Variants in PIGL observed in about 807,000 individuals in gnomAD.
The protein encoded by PIGL is N-acetylglucosaminyl-phosphatidylinositol de-N-acetylase.
PIGL carries 22 observed loss-of-function variants against 31.1 expected under a neutral mutation model. The ratio of observed to expected loss-of-function variants is 0.71; its 90% confidence interval spans 0.51 to 1.01. The LOEUF is 1.01. Among genes scored for constraint, PIGL ranks in the 50% least tolerant of loss-of-function variants. The pLI, the probability that PIGL is intolerant of heterozygous loss-of-function variation, is 0.00. For synonymous variants in PIGL, 131 were observed against 117.4 expected (o/e 1.12, Z -0.75); for missense variants, 302 against 315.9 (o/e 0.96, Z 0.33).
At chr17:16,225,142 G>A (rs577643920) in intron 1 of PIGL, among the ~76,000 whole-genome samples, 60 of 152,226 alleles carry the variant, frequency 3.9e-4, no homozygotes, top group African/African-American at 1.4e-3. Flanking sequence ...AGATGATTAT[G>A]TCATTGTGTC....
intron 2 of PIGL, chr17:16,282,005 C>T (rs748025488): frequency 3.9e-6 from 2 of 509,922 alleles, no homozygotes; most frequent in Admixed American, 2.0e-5. Context: ...TCCATGGGGG[C>T]ACTGCTAAGA....
chr17:16,314,261 G>C (rs2093066764), intron 4 of PIGL, among the ~76,000 whole-genome samples: 1 of 152,154 alleles, frequency 6.6e-6, no homozygotes, highest in Non-Finnish European at 1.5e-5. Flanking sequence ...TCAGTGGTGT[G>C]GCAGGCCTGT....
chr17:16,241,473 A>G (rs1167390552), intron 2 of PIGL, among the ~76,000 whole-genome samples: 1 of 151,974 alleles, frequency 6.6e-6, no homozygotes, highest in African/African-American at 2.4e-5. Flanking sequence ...AGGCTGAGGC[A>G]GGAGAATCAC....
At chr17:16,237,786 T>G (rs1600758743) in intron 2 of PIGL, among the ~76,000 whole-genome samples, 1 of 120,864 alleles carries the variant, frequency 8.3e-6, no homozygotes. Context: ...GATAACAGAG[T>G]GAGATCCTGT....
chr17:16,267,842 A>G (rs1349455442), intron 2 of PIGL, among the ~76,000 whole-genome samples: 1 of 152,164 alleles, frequency 6.6e-6, no homozygotes, highest in Non-Finnish European at 1.5e-5. Flanking sequence ...AACTTGGAGC[A>G]CCAGAATGTT....
intron 2 of PIGL, among the ~76,000 whole-genome samples, chr17:16,244,078 G>C (rs947509207): frequency 2.6e-5 from 4 of 152,178 alleles, no homozygotes; most frequent in African/African-American, 9.6e-5. Context: ...TATTGATCTG[G>C]GTGATCCATC....
intron 6 of PIGL, among the ~76,000 whole-genome samples, chr17:16,319,842 G>A (rs1421516769): frequency 6.6e-6 from 1 of 151,974 alleles, no homozygotes; most frequent in Non-Finnish European, 1.5e-5. Context: ...GGTCATCCTA[G>A]GGAAAACTCT....
chr17:16,266,446 G>T (rs1252441262), intron 2 of PIGL, among the ~76,000 whole-genome samples: 1 of 151,224 alleles, frequency 6.6e-6, no homozygotes, highest in Non-Finnish European at 1.5e-5. Flanking sequence ...ATTGTGCCAG[G>T]TACTCTTACT....
Position 16,310,858 on chromosome 17 carries a change from G to C in PIGL, c.427-2689G>C, listed in dbSNP as rs1278642366. On this transcript the variant is annotated intron_variant, in intron 3 of 6. Transcript: ENST00000225609. ...ACGCCTTCTCACATAGAGGATGCTT[G>C]TAAAGAGCGTGGACTGTGGAGTCAG... 2.6e-5 allele frequency among the ~76,000 whole-genome samples: 4 copies of C among 152,192 alleles called. No individual in the cohort carries two copies. In the South Asian group the frequency reaches 6.2e-4, roughly 24 times the overall value.
chr17:16,314,792 T>C (rs1192072766), intron 4 of PIGL, among the ~76,000 whole-genome samples: 2 of 152,076 alleles, frequency 1.3e-5, no homozygotes, highest in Non-Finnish European at 2.9e-5. Context: ...ATTTTTTTGA[T>C]GATATATGGA....
chr17:16,317,048 C>A, intron 5 of PIGL: 1 of 1,110,648 alleles, frequency 9.0e-7, no homozygotes. Flanking sequence ...TTGTAAATGA[C>A]TGCTGGGTGC....
At chr17:16,242,639 G>A in intron 2 of PIGL, among the ~76,000 whole-genome samples, 1 of 109,980 alleles carries the variant, frequency 9.1e-6, no homozygotes, top group Non-Finnish European at 1.9e-5. Flanking sequence ...TCTTATTTCT[G>A]ATTCCTTTTT....
At chr17:16,264,795 C>T (rs1254669711) in intron 2 of PIGL, among the ~76,000 whole-genome samples, 3 of 150,802 alleles carry the variant, frequency 2.0e-5, no homozygotes, top group Non-Finnish European at 4.4e-5. Flanking sequence ...TACAGGTGCC[C>T]ACCACCACGT....
chr17:16,269,543 C>T (rs1234658748), intron 2 of PIGL, among the ~76,000 whole-genome samples: 3 of 151,076 alleles, frequency 2.0e-5, no homozygotes, highest in African/African-American at 7.3e-5. Context: ...CCCAGCTACT[C>T]GGGAGGCTGA....
chr17:16,299,293 A>G (rs1211881915), intron 2 of PIGL, among the ~76,000 whole-genome samples: 1 of 151,784 alleles, frequency 6.6e-6, no homozygotes, highest in African/African-American at 2.4e-5. Context: ...CATCTCTACT[A>G]AAAATACAAA....
chr17:16,223,705 C>A (rs1357259433), intron 1 of PIGL, among the ~76,000 whole-genome samples: 2 of 151,260 alleles, frequency 1.3e-5, no homozygotes, highest in Non-Finnish European at 2.9e-5. Flanking sequence ...CATAGTGAGA[C>A]CCCATCTATT....
intron 2 of PIGL, among the ~76,000 whole-genome samples, chr17:16,277,867 C>T (rs892087264): frequency 1.7e-4 from 26 of 152,118 alleles, no homozygotes; most frequent in Non-Finnish European, 1.5e-5. Flanking sequence ...TAACAACATA[C>T]ACTAAGTCAT....
At chr17:16,288,202 T>C (rs2092945894) in intron 2 of PIGL, among the ~76,000 whole-genome samples, 1 of 152,108 alleles carries the variant, frequency 6.6e-6, no homozygotes, top group African/African-American at 2.4e-5. Context: ...CCTTCCTTCC[T>C]TTCTTTCTCT....
intron 2 of PIGL, among the ~76,000 whole-genome samples, chr17:16,262,907 G>A (rs1359040886): frequency 6.6e-6 from 1 of 152,134 alleles, no homozygotes; most frequent in Non-Finnish European, 1.5e-5. Context: ...AATACTGATT[G>A]ATGCTGTAGC....
Sources: allele counts gnomAD v4.1 joint callset (sites outside exome capture counted in the v4.1 genomes callset), GRCh38; gene constraint gnomAD v4.1.1; transcripts MANE v1.5; gene names NCBI Gene and HGNC (gene_info 2026-07-23, HGNC 2026-07-21).